Variants in HSPBAP1 observed in about 807,000 individuals in gnomAD.
The protein encoded by HSPBAP1 is HSPB1-associated protein 1.
Under a neutral mutation model 45.2 loss-of-function variants are expected in HSPBAP1, and 27 were observed. That is an observed-to-expected ratio of 0.60 (90% confidence interval 0.44 to 0.82). HSPBAP1 has a LOEUF of 0.82. Among genes scored for constraint, HSPBAP1 ranks in the 40% least tolerant of loss-of-function variants. The pLI, the probability that HSPBAP1 is intolerant of heterozygous loss-of-function variation, is 0.00. For missense variants in HSPBAP1, 510 were observed against 590.9 expected (o/e 0.86, Z 1.42); for synonymous variants, 204 against 202.7 (o/e 1.01, Z -0.06).
intron 1 of HSPBAP1, among the ~76,000 whole-genome samples, chr3:122,793,183 C>G (rs1392948473): frequency 1.3e-5 from 2 of 152,184 alleles, no homozygotes; most frequent in African/African-American, 4.8e-5. Flanking sequence ...GGCCTCCAAA[C>G]CTCATCCCCA....
chr3:122,791,393 C>A (rs991265379), intron 1 of HSPBAP1, among the ~76,000 whole-genome samples: 2 of 152,230 alleles, frequency 1.3e-5, no homozygotes, highest in African/African-American at 4.8e-5. Flanking sequence ...TCTCCTTTTG[C>A]CTCTGGACTT....
intron 3 of HSPBAP1, among the ~76,000 whole-genome samples, chr3:122,767,406 G>A (rs999511064): frequency 4.6e-5 from 7 of 152,150 alleles, no homozygotes; most frequent in East Asian, 1.9e-4. Context: ...TGGGCATGGC[G>A]GCAGTCACCT....
chr3:122,740,675 T>G lies in HSPBAP1; in HGVS notation c.1137A>C (p.Thr379=). ...AGGGACTTGCTGCCTCCGGTTTGTC[T>G]GTTCCTGTGGTCAAGTTCTGGCTAC... ...QTGSQNLTTG[T]DKPEAASPFG... Residue 379 remains threonine (T), a synonymous_variant, in exon 8 of 8, where the codon ACA becomes ACC. Coordinates refer to ENST00000306103, the MANE Select transcript of HSPBAP1 (RefSeq NM_024610.6). The G allele has an allele frequency of 6.2e-7, 1 of 1,614,004 alleles. No individual in the cohort carries two copies. The highest frequency in any genetic ancestry group is 1.3e-5 in the African/African-American group (1 of 75,068).
Position 122,764,511 on chromosome 3 carries a change from AT to A in HSPBAP1, c.432+4189del, listed in dbSNP as rs745708416. 6.6e-5 allele frequency among the ~76,000 whole-genome samples: 10 copies of A among 152,346 alleles called. No homozygotes were observed. In the South Asian group the frequency reaches 1.2e-3, roughly 19 times the overall value. Reference sequence around the variant, plus strand: ...CACAAATTAAATTCATCCATGAAAAATATGTACATTGATAAACATACTAATA... The same window carrying A: ...CACAAATTAAATTCATCCATGAAAAAATGTACATTGATAAACATACTAATA... On this transcript the variant is annotated intron_variant, in intron 3 of 7. Transcript: ENST00000306103.
At chr3:122,749,920 T>C (rs1304936133) in intron 6 of HSPBAP1, among the ~76,000 whole-genome samples, 1 of 150,778 alleles carries the variant, frequency 6.6e-6, no homozygotes, top group African/African-American at 2.4e-5. Context: ...AAATTTGATA[T>C]CTTAAAAAAT....
chr3:122,787,075 T>G (rs2107543517), intron 1 of HSPBAP1, among the ~76,000 whole-genome samples: 1 of 152,302 alleles, frequency 6.6e-6, no homozygotes, highest in South Asian at 2.1e-4. Context: ...TATTTAGGTC[T>G]AAACTTGCAG....
At chr3:122,788,023 C>T (rs939078623) in intron 1 of HSPBAP1, among the ~76,000 whole-genome samples, 2 of 152,144 alleles carry the variant, frequency 1.3e-5, no homozygotes, top group Admixed American at 1.3e-4. Context: ...AACCCACAAA[C>T]ATTAGTGCTG....
chr3:122,778,512 C>CT (rs764699673), intron 1 of HSPBAP1, among the ~76,000 whole-genome samples: 3,460 of 124,966 alleles, frequency 0.028, 60 homozygotes, highest in Middle Eastern at 0.11. Flanking sequence ...TCTAGTATTT[C>CT]TTTTTTTTTT....
chr3:122,773,051 A>C (rs1300434586), intron 2 of HSPBAP1, among the ~76,000 whole-genome samples: 1 of 151,666 alleles, frequency 6.6e-6, no homozygotes, highest in Non-Finnish European at 1.5e-5. Flanking sequence ...GGATCTTGCT[A>C]TGTTGCCCAG....
At chr3:122,766,599 G>A (rs959921) in intron 3 of HSPBAP1, among the ~76,000 whole-genome samples, 150,908 of 152,366 alleles carry the variant, frequency 0.99, 74,759 homozygotes, top group Middle Eastern at 1. Flanking sequence ...CTTGCCTGGG[G>A]TGGGACAGAA....
At chr3:122,742,961 C>A (rs759845807) in intron 6 of HSPBAP1, among the ~76,000 whole-genome samples, 8 of 152,182 alleles carry the variant, frequency 5.3e-5, no homozygotes, top group Non-Finnish European at 1.2e-4. Context: ...GTAAAGATAT[C>A]TATCTACGTA....
intron 1 of HSPBAP1, among the ~76,000 whole-genome samples, chr3:122,787,238 T>C (rs900903633): frequency 2.0e-5 from 3 of 152,236 alleles, no homozygotes; most frequent in Non-Finnish European, 4.4e-5. Flanking sequence ...TCTTTGGAGA[T>C]AGTGAAACAT....
Position 122,752,586 on chromosome 3 carries a change from A to C in HSPBAP1, c.825+5T>G, listed in dbSNP as rs1560117281. On this transcript the variant is annotated splice_donor_5th_base_variant and intron_variant, in intron 6 of 7. Transcript: ENST00000306103. ...AAAAAAAAAAAAAAAACAACGAAAA[A>C]GTACCAGTTCAATCCATGAGTTTAT... 3 of 1,539,730 alleles carry C rather than the reference A, an allele frequency of 1.9e-6. No homozygotes were observed. The highest frequency in any genetic ancestry group is 1.8e-6 in the Non-Finnish European group (2 of 1,138,156).
At chr3:122,766,376 G>A (rs1220378977) in intron 3 of HSPBAP1, among the ~76,000 whole-genome samples, 1 of 152,122 alleles carries the variant, frequency 6.6e-6, no homozygotes, top group Non-Finnish European at 1.5e-5. Flanking sequence ...AGAAGACTTG[G>A]TGCCCAGAAA....
intron 1 of HSPBAP1, among the ~76,000 whole-genome samples, chr3:122,791,104 A>ATT (rs1935814782): frequency 6.6e-6 from 1 of 152,210 alleles, no homozygotes; most frequent in African/African-American, 2.4e-5. Context: ...AATCTTCACA[A>ATT]TAATCATGCA....
chr3:122,793,747 G>T lies in HSPBAP1; in HGVS notation c.-67C>A, dbSNP rs1935914618. 2 of 1,475,404 alleles carry T rather than the reference G, an allele frequency of 1.4e-6. No individual in the cohort carries two copies. The highest frequency in any genetic ancestry group is 1.7e-5 in the Admixed American group (1 of 57,710). 91.4% of individuals were successfully genotyped at this position (1,475,404 alleles called of 1,614,324 possible). On this transcript the variant is annotated 5_prime_UTR_variant, in exon 1 of 8. Coordinates refer to ENST00000306103, the MANE Select transcript of HSPBAP1 (RefSeq NM_024610.6). ...GGAGCTGGGGTGGGGTCAGAGTAGGGGCCAAACTCCGAGACCCGAAGCTGC... is the reference window on the plus strand; with the variant it reads ...GGAGCTGGGGTGGGGTCAGAGTAGGTGCCAAACTCCGAGACCCGAAGCTGC...
chr3:122,780,018 C>A (rs926878167), intron 1 of HSPBAP1, among the ~76,000 whole-genome samples: 1 of 152,150 alleles, frequency 6.6e-6, no homozygotes, highest in African/African-American at 2.4e-5. Flanking sequence ...CAATGAGCTG[C>A]TGGGTACACC....
At position 122,762,625 on chromosome 3, in the gene HSPBAP1, G is replaced by A. The variant is rs78338883; in HGVS notation, c.433-3265C>T. 9.2e-5 allele frequency among the ~76,000 whole-genome samples: 14 copies of A among 152,180 alleles called. No individual in the cohort carries two copies. In the East Asian group the frequency reaches 2.7e-3, roughly 29 times the overall value. On this transcript the variant is annotated intron_variant, in intron 3 of 7. Coordinates refer to ENST00000306103, the MANE Select transcript of HSPBAP1 (RefSeq NM_024610.6). ...TAATTTTCCTTGTGATTTACTATTT[G>A]ACTTATGGATTATTTGGAAGTGTAA...
intron 1 of HSPBAP1, among the ~76,000 whole-genome samples, chr3:122,793,199 T>G (rs1159254667): frequency 6.6e-6 from 1 of 152,228 alleles, no homozygotes; most frequent in Non-Finnish European, 1.5e-5. Context: ...CCCCACTTGC[T>G]AAACCAGGGT....
Sources: allele counts gnomAD v4.1 joint callset (sites outside exome capture counted in the v4.1 genomes callset), GRCh38; gene constraint gnomAD v4.1.1; transcripts MANE v1.5; gene names NCBI Gene and HGNC (gene_info 2026-07-23, HGNC 2026-07-21).